The following SHISA6 variants were observed in gnomAD, a reference collection of about 807,000 sequenced individuals.
SHISA6 encodes the protein shisa family member 6.
In SHISA6, 22 loss-of-function variants were observed where a neutral mutation model predicts 47.9. The observed-to-expected ratio is 0.46, with a 90% CI of 0.33 to 0.66. The LOEUF (loss-of-function observed/expected upper bound fraction) is 0.66, where lower values mean the gene tolerates loss of function less well. Among genes scored for constraint, SHISA6 ranks in the 30% least tolerant of loss-of-function variants. SHISA6 has a pLI of 0.02. For missense variants in SHISA6, 680 were observed against 764.6 expected, an observed-to-expected ratio of 0.89 and a Z score of 1.30; for synonymous variants, 388 against 337.8, an observed-to-expected ratio of 1.15 and a Z score of -1.63.
chr17:11,497,596 C>A (rs1406746079), intron 3 of SHISA6, among the ~76,000 whole-genome samples: 1 of 152,202 alleles, frequency 6.6e-6, no homozygotes, highest in Non-Finnish European at 1.5e-5. Flanking sequence ...CATACCCTAG[C>A]AAACATTTGT....
At chr17:11,392,286 C>T (rs916909155) in intron 3 of SHISA6, among the ~76,000 whole-genome samples, 2 of 152,046 alleles carry the variant, frequency 1.3e-5, no homozygotes, top group Non-Finnish European at 2.9e-5. Flanking sequence ...ATAGATAGGG[C>T]CATGGCATAG....
In SHISA6 at chr17:11,466,214, C is replaced by T. The variant is rs76910798; in HGVS notation, c.896-85682C>T. Among the ~76,000 whole-genome samples, 16 of 152,254 alleles carry T rather than the reference C, an allele frequency of 1.1e-4. No individual in the cohort carries two copies. The East Asian group carries it at 2.9e-3, about 28-fold the overall frequency. ...ACATAAACAAATCAATGCAAATATC[C>T]ACAGAATAAGAGAACACACCTGTTG... On this transcript the variant is annotated intron_variant, in intron 3 of 5. Transcript: ENST00000441885.
In SHISA6 at chr17:11,563,962, C is replaced by T. The variant is rs2072069312; in HGVS notation, c.*5658C>T. The T allele has an allele frequency of 6.6e-6, 1 of 152,216 alleles. No homozygotes were observed. The highest frequency in any genetic ancestry group is 2.4e-5 in the African/African-American group (1 of 41,450). 9.4% of individuals were successfully genotyped at this position (152,216 alleles called of 1,614,324 possible). ...CCTGTCAAAGCACATTCTACATGTA[C>T]TGTAAACAGATACACTTTAGTAAGA... is the stretch of plus-strand genomic sequence containing the variant. On this transcript the variant is annotated 3_prime_UTR_variant, in exon 6 of 6. Coordinates refer to ENST00000441885, the MANE Select transcript of SHISA6 (RefSeq NM_207386.4).
chr17:11,369,829 C>A (rs1343838966), intron 2 of SHISA6, among the ~76,000 whole-genome samples: 1 of 152,148 alleles, frequency 6.6e-6, no homozygotes, highest in East Asian at 1.9e-4. Flanking sequence ...TTACAGCCAG[C>A]ATATCTGAGG....
At chr17:11,373,946 A>G (rs900647606) in intron 2 of SHISA6, among the ~76,000 whole-genome samples, 7 of 152,180 alleles carry the variant, frequency 4.6e-5, no homozygotes, top group African/African-American at 1.7e-4. Context: ...GTTTCCTGCT[A>G]TATCCACATT....
chr17:11,311,275 T>C (rs1910328077), intron 2 of SHISA6, among the ~76,000 whole-genome samples: 1 of 111,234 alleles, frequency 9.0e-6, no homozygotes, highest in African/African-American at 3.8e-5. Context: ...GAGCAAGACT[T>C]CGTCAAAAAA....
In SHISA6 at chr17:11,475,429, A is replaced by G. The variant is rs149029549; in HGVS notation, c.896-76467A>G. ...TTAGCTATAGGTTTTTTGAAATATTATTTGTCAAGTTAAGGAAGTTCCCTT... is the reference window on the plus strand; with the variant it reads ...TTAGCTATAGGTTTTTTGAAATATTGTTTGTCAAGTTAAGGAAGTTCCCTT... On this transcript the variant is annotated intron_variant, in intron 3 of 5. Coordinates refer to ENST00000441885, the MANE Select transcript of SHISA6 (RefSeq NM_207386.4). 1.2e-3 allele frequency among the ~76,000 whole-genome samples: 179 copies of G among 152,160 alleles called. 2 individuals carry two copies. The highest frequency in any genetic ancestry group is 4.1e-3 in the African/African-American group (170 of 41,568).
At chr17:11,250,621 A>G (rs1378275327) in intron 1 of SHISA6, among the ~76,000 whole-genome samples, 2 of 152,172 alleles carry the variant, frequency 1.3e-5, no homozygotes, top group Non-Finnish European at 2.9e-5. Flanking sequence ...AGGGGTTGGT[A>G]AAGGGCTGGG....
At chr17:11,335,200 G>T (rs1911277569) in intron 2 of SHISA6, among the ~76,000 whole-genome samples, 2 of 152,190 alleles carry the variant, frequency 1.3e-5, no homozygotes, top group Admixed American at 6.5e-5. Flanking sequence ...GCACAGATCT[G>T]CCCAGCTCTC....
chr17:11,367,269 T>C (rs1912483268), intron 2 of SHISA6, among the ~76,000 whole-genome samples: 1 of 151,882 alleles, frequency 6.6e-6, no homozygotes, highest in Non-Finnish European at 1.5e-5. Context: ...AGAGGGAGAA[T>C]TTCAGGAGCT....
chr17:11,545,140 C>T (rs2071873105), intron 3 of SHISA6, among the ~76,000 whole-genome samples: 1 of 134,364 alleles, frequency 7.4e-6, no homozygotes, highest in South Asian at 2.5e-4. Context: ...TGCCTTTCAA[C>T]AGGTCGATGG....
In SHISA6 at chr17:11,559,879, T is replaced by G. The variant is rs1004770160; in HGVS notation, c.*1575T>G. On this transcript the variant is annotated 3_prime_UTR_variant, in exon 6 of 6. Coordinates refer to ENST00000441885, the MANE Select transcript of SHISA6 (RefSeq NM_207386.4). This position sits in a 1 kb window ranked among gnomAD's most constrained non-coding sequence, Gnocchi z 4.4. ...GCTCCCCCAAGACCAGAGAGCCTGG[T>G]GGGGGAAAGAAGGGGTTCCCTCATT... 6.6e-6 allele frequency: 1 copy of G among 152,112 alleles called. No individual in the cohort carries two copies. Among genetic ancestry groups the G allele is most frequent in the Non-Finnish European group, 1.5e-5 (1 of 68,064 alleles). The allele number at this position is 152,112 out of a possible 1,614,324, so 9.4% of individuals were successfully genotyped here. A position where few individuals can be genotyped will look rare whatever the true frequency, so the allele number is the denominator to read the frequency against.
At chr17:11,246,217 G>A (rs989142318) in intron 1 of SHISA6, among the ~76,000 whole-genome samples, 4 of 152,106 alleles carry the variant, frequency 2.6e-5, no homozygotes, top group African/African-American at 9.7e-5. Context: ...TTCGCCGGGT[G>A]CGGTGGCTCA....
At chr17:11,341,937 G>A (rs888029299) in intron 2 of SHISA6, among the ~76,000 whole-genome samples, 12 of 152,140 alleles carry the variant, frequency 7.9e-5, no homozygotes, top group Admixed American at 2.0e-4. Flanking sequence ...TGGGAGAAGA[G>A]GTGTCTGGGG....
intron 1 of SHISA6, among the ~76,000 whole-genome samples, chr17:11,251,589 A>C (rs1000583570): frequency 8.5e-5 from 13 of 152,110 alleles, no homozygotes; most frequent in African/African-American, 3.1e-4. Context: ...TGAGATGTAG[A>C]GCTCACAAAC....
In SHISA6 at chr17:11,388,790, TTATATATATATATATATATATATA is replaced by T. The variant is rs56048344; in HGVS notation, c.895+9309_895+9332del. Among the ~76,000 whole-genome samples, 120 of 50,020 alleles carry T rather than the reference TTATATATATATATATATATATATA, an allele frequency of 2.4e-3. 3 individuals are homozygous for T. Among genetic ancestry groups the T allele is most frequent in the South Asian group, 5.5e-3 (7 of 1,266 alleles). 32.8% of individuals were successfully genotyped at this position (50,020 alleles called of 152,430 possible). On this transcript the variant is annotated intron_variant, in intron 3 of 5. Coordinates refer to ENST00000441885, the MANE Select transcript of SHISA6 (RefSeq NM_207386.4). ...ACAGAACTACTGTTCAAACAAAAGT[TTATATATATATATATATATATATA>T]TATATATATATATATATATATATAT...
At chr17:11,518,439 C>T (rs1185032858) in intron 3 of SHISA6, among the ~76,000 whole-genome samples, 4 of 151,920 alleles carry the variant, frequency 2.6e-5, no homozygotes, top group Non-Finnish European at 5.9e-5. Context: ...CATGTTGGGC[C>T]AGGAAACACA....
intron 2 of SHISA6, among the ~76,000 whole-genome samples, chr17:11,375,659 C>A (rs138899627): frequency 6.6e-6 from 1 of 152,302 alleles, no homozygotes; most frequent in Non-Finnish European, 1.5e-5. Flanking sequence ...CAGCCATGGT[C>A]CTCTCTTTAG....
chr17:11,542,394 A>T (rs188633131), intron 3 of SHISA6, among the ~76,000 whole-genome samples: 1 of 152,316 alleles, frequency 6.6e-6, no homozygotes, highest in Admixed American at 6.5e-5. Flanking sequence ...AATCTTCAAA[A>T]ATGAAGGTGA....
Sources: gnomAD v4.1 joint callset for allele counts (sites outside exome capture counted in the v4.1 genomes callset) on GRCh38, gnomAD v4.1.1 for gene constraint, Gnocchi (gnomAD v3.1) non-coding constraint, MANE v1.5 for transcripts, NCBI Gene and HGNC (gene_info 2026-07-23, HGNC 2026-07-21) for gene names.